IRS4: variants seen among roughly 807,000 people sequenced by gnomAD.
IRS4 encodes the protein 160 kDa phosphotyrosine protein.
Under a neutral mutation model 48.6 loss-of-function variants are expected in IRS4, and 15 were observed. That is an observed-to-expected ratio of 0.31 (90% CI 0.21 to 0.48). The LOEUF is 0.48. Among genes scored for constraint, IRS4 ranks in the 20% least tolerant of loss-of-function variants. The pLI, the probability that IRS4 is intolerant of heterozygous loss-of-function variation, is 0.99. For missense variants in IRS4, 987 were observed against 1,023.4 expected (o/e 0.96, Z 0.49); for synonymous variants, 459 against 413.2 (o/e 1.11, Z -1.34).
rs2068945384 is a variant in IRS4, at chrX:108,735,703, G to A, written c.642C>T (p.Asp214=). 4 of 1,175,003 alleles carry A rather than the reference G, an allele frequency of 3.4e-6. No homozygotes were observed. The highest frequency in any genetic ancestry group is 1.9e-5 in the South Asian group (1 of 51,495). The stretch of plus-strand genomic sequence containing the variant: ...CCGCCGCCAGCGCGGCCGGCTCTCC[G>A]TCCGGCTGCGCGCCGAGCGTGCCGC... ...RRCGTLGAQP[D]GEPAALAAAA... The change falls in exon 1 of 2, where the codon GAC becomes GAT. Residue 214 remains aspartate, a synonymous_variant. Coordinates refer to ENST00000372129, the MANE Select transcript of IRS4 (RefSeq NM_001379150.1).
Position 108,733,560 on chromosome X carries a change from T to A in IRS4, c.2785A>T (p.Arg929Ter). 1 of 1,212,254 alleles carries A rather than the reference T, an allele frequency of 8.2e-7. No homozygotes were observed. Among genetic ancestry groups the A allele is most frequent in the Non-Finnish European group, 1.1e-6 (1 of 895,533 alleles). Residue 929 changes from arginine to a stop codon, truncating the protein, a stop_gained, in exon 1 of 2, where the codon AGA (arginine) becomes TGA (stop). Coordinates refer to ENST00000372129, the MANE Select transcript of IRS4 (RefSeq NM_001379150.1). LOFTEE classifies it high-confidence loss of function. ...GAGGGAGCTGGTGTATTGCTCTCTC[T>A]TTTAGTGAAGTCCATGTTGACGTAG... ...SDYVNMDFTK[R>*]ESNTPAPSTQ...
At position 108,734,709 on chromosome X, in the gene IRS4, A is replaced by G. The variant is rs1207043602; in HGVS notation, c.1636T>C (p.Ser546Pro). ...NGQGSGGNQCSRDGQGTAGGH... is the reference protein window; with the variant it reads ...NGQGSGGNQCPRDGQGTAGGH... ...CCTGCGGTGCCCTGGCCATCTCTAG[A>G]GCACTGGTTTCCTCCTGAGCCCTGG... Residue 546 changes from serine (S) to proline (P), a missense_variant, in exon 1 of 2, where the codon TCT becomes CCT. Ser to Pro is a moderately conservative substitution (Grantham distance 74). Around this residue, in one of 4 missense-constraint regions of IRS4, gnomAD observed 720 missense variants for 660.3 expected, o/e 1.09. Coordinates refer to ENST00000372129, the MANE Select transcript of IRS4 (RefSeq NM_001379150.1). 1 of 1,210,212 alleles carries G rather than the reference A, an allele frequency of 8.3e-7. No homozygotes were observed. The highest frequency in any genetic ancestry group is 1.1e-6 in the Non-Finnish European group (1 of 895,176).
In IRS4 at chrX:108,732,851, G is replaced by T; in HGVS notation, c.3494C>A (p.Pro1165His). 1 of 1,171,647 alleles carries T rather than the reference G, an allele frequency of 8.5e-7. No homozygotes were observed. The highest frequency in any genetic ancestry group is 1.1e-6 in the Non-Finnish European group (1 of 875,158). ...TTCGGCATCAGCAGCATTAGCAACA[G>T]GTTGAAACCAGCGGGCAGAGGCGGA... Reference protein sequence around the residue: ...FDSASARWFQPVANAADAEAV... With the variant: ...FDSASARWFQHVANAADAEAV... The change falls in exon 1 of 2, where the codon CCT (proline) becomes CAT (histidine). Residue 1165 changes from proline (P) to histidine (H), a missense_variant. Pro to His is a moderately conservative substitution (Grantham distance 77, BLOSUM62 -2). Around this residue, in one of 4 missense-constraint regions of IRS4, gnomAD observed 720 missense variants for 660.3 expected, o/e 1.09. Transcript: ENST00000372129.
At chrX:108,729,178 C>G (rs918539879) in intron 1 of IRS4, among the ~76,000 whole-genome samples, 8 of 111,206 alleles carry the variant, frequency 7.2e-5, no homozygotes, top group Non-Finnish European at 1.3e-4. Context: ...AAACAATGTG[C>G]TCTTAGTGCC....
rs764019745 is a variant in IRS4, at chrX:108,735,136, G to T, written c.1209C>A (p.Ser403Arg). 3.3e-6 allele frequency: 4 copies of T among 1,211,419 alleles called. No homozygotes were observed. In the African/African-American group the frequency reaches 5.2e-5, roughly 16 times the overall value. The change falls in exon 1 of 2, where the codon AGC (serine) becomes AGA (arginine). Residue 403 changes from serine to arginine, a missense_variant. By Grantham distance (110) the Ser-to-Arg change is moderately radical (BLOSUM62 -1). Coordinates refer to ENST00000372129, the MANE Select transcript of IRS4 (RefSeq NM_001379150.1). ...MLFTRRFVTP[S>R]EPVAHSRRGR... ...CTCGCCTGGAGTGGGCCACAGGCTC[G>T]CTGGGTGTTACGAAGCGCCTGGTGA...
intron 1 of IRS4, among the ~76,000 whole-genome samples, chrX:108,729,424 C>T (rs965176296): frequency 9.1e-6 from 1 of 110,484 alleles, no homozygotes; most frequent in African/African-American, 3.3e-5. Flanking sequence ...AAATGTTCAC[C>T]TCAAGTCATT....
In IRS4 at chrX:108,732,826, T is replaced by G; in HGVS notation, c.3519A>C (p.Glu1173Asp). Residue 1173 changes from glutamate to aspartate, a missense_variant, in exon 1 of 2, where the codon GAA becomes GAC. Coordinates refer to ENST00000372129, the MANE Select transcript of IRS4 (RefSeq NM_001379150.1). ...CAACGTCTTGGGCTCCCCTTACTGC[T>G]TCGGCATCAGCAGCATTAGCAACAG... Reference protein sequence around the residue: ...FQPVANAADAEAVRGAQDVAG... With the variant: ...FQPVANAADADAVRGAQDVAG... 8.5e-7 allele frequency: 1 copy of G among 1,179,412 alleles called. No homozygotes were observed. Among genetic ancestry groups the G allele is most frequent in the South Asian group, 1.9e-5 (1 of 51,767 alleles).
rs945688053 is a variant in IRS4, at chrX:108,721,812, G to T, written c.*707C>A. Reference sequence around the variant, plus strand: ...TATGTGAACAAATAGCTGTTTCTCAGTTCTGCCTTTAAAATGTTGGAAATG... The same window carrying T: ...TATGTGAACAAATAGCTGTTTCTCATTTCTGCCTTTAAAATGTTGGAAATG... On this transcript the variant is annotated 3_prime_UTR_variant, in exon 2 of 2. Transcript: ENST00000372129. The T allele has an allele frequency of 1.8e-5, 2 of 111,990 alleles. No individual in the cohort carries two copies. Among genetic ancestry groups the T allele is most frequent in the African/African-American group, 6.5e-5 (2 of 30,849 alleles). 9.2% of individuals were successfully genotyped at this position (111,990 alleles called of 1,213,427 possible).
Position 108,734,750 on chromosome X carries a change from C to T in IRS4, c.1595G>A (p.Gly532Asp). 1 of 1,211,483 alleles carries T rather than the reference C, an allele frequency of 8.3e-7. No individual in the cohort carries two copies. The highest frequency in any genetic ancestry group is 1.1e-6 in the Non-Finnish European group (1 of 895,515). The change falls in exon 1 of 2, where the codon GGT becomes GAT. Residue 532 changes from glycine (G) to aspartate (D), a missense_variant. By Grantham distance (94) the Gly-to-Asp change is moderately conservative. Around this residue, in one of 4 missense-constraint regions of IRS4, gnomAD observed 720 missense variants for 660.3 expected, o/e 1.09. Coordinates refer to ENST00000372129, the MANE Select transcript of IRS4 (RefSeq NM_001379150.1). ...TGAGCCCTGGCCATTTGAGCCCTGA[C>T]CACCTCGGGATCCCTGTCCCTCGCC... ...CSGEGQGSRG[G>D]QGSNGQGSGG...
intron 1 of IRS4, chrX:108,723,660 C>T (rs1042976883): frequency 1.8e-5 from 2 of 112,438 alleles, no homozygotes; most frequent in African/African-American, 6.5e-5. Flanking sequence ...AGGTGGATCC[C>T]TTGAGGCCAG....
chrX:108,727,615 T>C (rs2068881863), intron 1 of IRS4, among the ~76,000 whole-genome samples: 1 of 112,385 alleles, frequency 8.9e-6, no homozygotes, highest in Non-Finnish European at 1.9e-5. Flanking sequence ...ATCCTCACTA[T>C]CTAAGAGTCT....
In IRS4 at chrX:108,734,655, G is replaced by A; in HGVS notation, c.1690C>T (p.Pro564Ser). The change falls in exon 1 of 2, where the codon CCT becomes TCT. Residue 564 changes from proline (P) to serine (S), a missense_variant. Pro to Ser is a moderately conservative substitution (Grantham distance 74). Around this residue, in one of 4 missense-constraint regions of IRS4, gnomAD observed 720 missense variants for 660.3 expected, o/e 1.09. Coordinates refer to ENST00000372129, the MANE Select transcript of IRS4 (RefSeq NM_001379150.1). ...GGHGSGGGQRPGGGHGSGGGQ... is the reference protein window; with the variant it reads ...GGHGSGGGQRSGGGHGSGGGQ... Reference sequence around the variant, plus strand: ...CCACCTGAGCCATGCCCACCTCCAGGTCTCTGGCCACCACCTGAACCGTGC... The same window carrying A: ...CCACCTGAGCCATGCCCACCTCCAGATCTCTGGCCACCACCTGAACCGTGC... 1.7e-6 allele frequency: 2 copies of A among 1,210,207 alleles called. No homozygotes were observed. Among genetic ancestry groups the A allele is most frequent in the Non-Finnish European group, 2.2e-6 (2 of 895,048 alleles).
At chrX:108,722,645 A>G (rs989643926) in intron 1 of IRS4, 122 bp from the exon 2 acceptor site, 2 of 243,417 alleles carry the variant, frequency 8.2e-6, no homozygotes, top group Admixed American at 4.7e-5. Context: ...AGTTTTTGAG[A>G]GATATACAGA....
intron 1 of IRS4, among the ~76,000 whole-genome samples, chrX:108,729,732 T>C (rs1242786877): frequency 8.9e-6 from 1 of 112,265 alleles, no homozygotes; most frequent in African/African-American, 3.2e-5. Flanking sequence ...TGGAATTACA[T>C]ATTAATTTTG....
intron 1 of IRS4, among the ~76,000 whole-genome samples, chrX:108,728,013 C>T (rs746376905): frequency 7.6e-4 from 85 of 112,356 alleles, no homozygotes; most frequent in Non-Finnish European, 1.3e-3. Context: ...TGCTATAACT[C>T]CCAAATGTCA....
At chrX:108,731,577 A>T (rs2068902116) in intron 1 of IRS4, among the ~76,000 whole-genome samples, 1 of 111,624 alleles carries the variant, frequency 9.0e-6, no homozygotes, top group Non-Finnish European at 1.9e-5. Context: ...CAAGTCTGAC[A>T]GCTCCTACTC....
In IRS4 at chrX:108,735,292, C is replaced by T; in HGVS notation, c.1053G>A (p.Leu351=). The change falls in exon 1 of 2, where the codon CTG becomes CTA. Residue 351 remains leucine, a synonymous_variant. Transcript: ENST00000372129. ...RSYSISIGAH[L]LTLLSARRHL... Reference sequence around the variant, plus strand: ...GCCTCCTAGCGGACAGCAGGGTTAACAGGTGGGCGCCGATGCTGATGCTGT... The same window carrying T: ...GCCTCCTAGCGGACAGCAGGGTTAATAGGTGGGCGCCGATGCTGATGCTGT... The T allele has an allele frequency of 8.3e-7, 1 of 1,211,675 alleles. No individual in the cohort carries two copies. The highest frequency in any genetic ancestry group is 1.1e-6 in the Non-Finnish European group (1 of 895,529).
In IRS4 at chrX:108,733,329, C is replaced by T; in HGVS notation, c.3016G>A (p.Gly1006Ser). 8.3e-7 allele frequency: 1 copy of T among 1,211,090 alleles called. No individual in the cohort carries two copies. Among genetic ancestry groups the T allele is most frequent in the Non-Finnish European group, 1.1e-6 (1 of 894,861 alleles). Reference protein sequence around the residue: ...PLPPLPLSATGSNAIEEEGDY... With the variant: ...PLPPLPLSATSSNAIEEEGDY... ...CCCTCTTCCTCAATAGCATTGCTAC[C>T]TGTAGCACTGAGGGGAAGGGGAGGA... is the stretch of plus-strand genomic sequence containing the variant. The change falls in exon 1 of 2, where the codon GGT (glycine) becomes AGT (serine). Residue 1006 changes from glycine (G) to serine (S), a missense_variant. By Grantham distance (56) the Gly-to-Ser change is moderately conservative. Coordinates refer to ENST00000372129, the MANE Select transcript of IRS4 (RefSeq NM_001379150.1).
chrX:108,736,421 C>A lies in IRS4; in HGVS notation c.-77G>T. 8.5e-7 allele frequency: 1 copy of A among 1,177,671 alleles called. No homozygotes were observed. On this transcript the variant is annotated 5_prime_UTR_variant, in exon 1 of 2. Transcript: ENST00000372129. ...AGGGAGGGTTGGGGGAAGAGGCTGT[C>A]TACCCTCGTCTGCCCGCCCCAGCCC... is the stretch of plus-strand genomic sequence containing the variant.
Sources: allele counts gnomAD v4.1 joint callset (sites outside exome capture counted in the v4.1 genomes callset), GRCh38; gene constraint gnomAD v4.1.1; regional missense constraint gnomAD v4.1.1; transcripts MANE v1.5; gene names NCBI Gene and HGNC (gene_info 2026-07-23, HGNC 2026-07-21).